ITGA2: variants seen among roughly 807,000 people sequenced by gnomAD.
ITGA2 encodes the protein integrin subunit alpha 2, also known as integrin alpha-2.
Under a neutral mutation model 146.3 loss-of-function variants are expected in ITGA2, and 101 were observed. The ratio of observed to expected loss-of-function variants is 0.69; its 90% confidence interval spans 0.59 to 0.81. ITGA2 has a LOEUF of 0.81. ITGA2 is among the 40% of genes least tolerant of loss of function. The pLI is 0.00. For missense variants in ITGA2, 1,281 were observed against 1,402.7 expected, an observed-to-expected ratio of 0.91 and a Z score of 1.39; for synonymous variants, 477 against 487.1, an observed-to-expected ratio of 0.98 and a Z score of 0.27.
chr5:53,036,431 T>C (rs942978969), intron 2 of ITGA2, among the ~76,000 whole-genome samples: 4 of 152,164 alleles, frequency 2.6e-5, no homozygotes, highest in Admixed American at 6.5e-5. Flanking sequence ...AGGACTACCA[T>C]CTCCTTCCAC....
intron 1 of ITGA2, 72 bp downstream of exon 1, chr5:52,989,604 T>C (rs1740817144): frequency 6.5e-7 from 1 of 1,549,314 alleles, no homozygotes; most frequent in South Asian, 1.1e-5. Flanking sequence ...GCTGGAGGGA[T>C]TGGGCGGAAC....
intron 25 of ITGA2, 112 bp from the exon 26 acceptor site, chr5:53,081,480 T>C: frequency 1.2e-6 from 1 of 807,024 alleles, no homozygotes; most frequent in Non-Finnish European, 2.1e-6. Flanking sequence ...GAAAGAAGCC[T>C]AACAGCCCTT....
In ITGA2 at chr5:53,092,561, G is replaced by A. The variant is rs971480664; in HGVS notation, c.*1962G>A. 1 of 151,498 alleles carries A rather than the reference G, an allele frequency of 6.6e-6. No individual in the cohort carries two copies. The highest frequency in any genetic ancestry group is 1.5e-5 in the Non-Finnish European group (1 of 67,972). The allele number at this position is 151,498 out of a possible 1,614,324, so 9.4% of individuals were successfully genotyped here. On this transcript the variant is annotated 3_prime_UTR_variant, in exon 30 of 30. Coordinates refer to ENST00000296585, the MANE Select transcript of ITGA2 (RefSeq NM_002203.4). The stretch of plus-strand genomic sequence containing the variant: ...AGCATGGTATTCTCCAGTTAGGTAT[G>A]CCAGAGTCCAATTCTTTTAACAGCT...
chr5:53,037,068 G>C (rs1304074928), intron 2 of ITGA2, among the ~76,000 whole-genome samples: 1 of 152,174 alleles, frequency 6.6e-6, no homozygotes, highest in Non-Finnish European at 1.5e-5. Flanking sequence ...ACAGACCAAA[G>C]GAAGATATTT....
At chr5:53,066,237 G>C (rs1423783929) in intron 15 of ITGA2, among the ~76,000 whole-genome samples, 1 of 151,810 alleles carries the variant, frequency 6.6e-6, no homozygotes, top group African/African-American at 2.4e-5. Context: ...TCTGGAAATG[G>C]TATCCAGGCT....
chr5:53,073,133 T>A lies in ITGA2; in HGVS notation c.2445T>A (p.Ile815=). 6.2e-7 allele frequency: 1 copy of A among 1,612,154 alleles called. No individual in the cohort carries two copies. Among genetic ancestry groups the A allele is most frequent in the Non-Finnish European group, 8.5e-7 (1 of 1,178,804 alleles). The part of the protein sequence containing the change: ...QIPAAQEQPF[I]VSNQNKRLTF... The stretch of plus-strand genomic sequence containing the variant: ...CTTTTAACAGAGAACAACCCTTTAT[T>A]GTCAGCAACCAAAACAAAAGGTTAA... The change falls in exon 20 of 30, where the codon ATT becomes ATA. Residue 815 remains isoleucine (I), a synonymous_variant. Transcript: ENST00000296585.
chr5:53,070,469 A>G (rs1745336830), intron 17 of ITGA2, among the ~76,000 whole-genome samples: 1 of 151,936 alleles, frequency 6.6e-6, no homozygotes, highest in Non-Finnish European at 1.5e-5. Context: ...ATCAAATTTC[A>G]TTTAGAATTG....
Position 53,067,122 on chromosome 5 carries a change from C to G in ITGA2, c.1948C>G (p.Gln650Glu). 1 of 1,610,224 alleles carries G rather than the reference C, an allele frequency of 6.2e-7. No homozygotes were observed. The highest frequency in any genetic ancestry group is 8.5e-7 in the Non-Finnish European group (1 of 1,178,194). ...AFGQVVQLWS[Q>E]SIADVAIEAS... ...GTTACTCTTTATGTCTTTTAGGTCA[C>G]AAAGTATTGCTGATGTAGCTATAGA... Residue 650 changes from glutamine (Q) to glutamate (E), a missense_variant, in exon 16 of 30, where the codon CAA becomes GAA. Around this residue, in one of 3 missense-constraint regions of ITGA2, gnomAD observed 795 missense variants for 841.7 expected, o/e 0.94. Coordinates refer to ENST00000296585, the MANE Select transcript of ITGA2 (RefSeq NM_002203.4).
chr5:53,048,804 G>A, intron 6 of ITGA2, 34 bp downstream of exon 6: 1 of 1,609,464 alleles, frequency 6.2e-7, no homozygotes, highest in Non-Finnish European at 8.5e-7. Flanking sequence ...CTAACTTATG[G>A]CTTTCTTTCT....
chr5:53,056,202 G>A (rs956456110), intron 9 of ITGA2, 53 bp downstream of exon 9: 15 of 1,512,776 alleles, frequency 9.9e-6, no homozygotes, highest in Non-Finnish European at 1.4e-5. Flanking sequence ...TTAAATAATT[G>A]TTTATTATCA....
rs79932422 is a variant in ITGA2 at position 53,073,171 on chromosome 5, C to T, written c.2483C>T (p.Thr828Met). The change falls in exon 20 of 30, where the codon ACG becomes ATG. Residue 828 changes from threonine (T) to methionine (M), a missense_variant. By Grantham distance (81) the Thr-to-Met change is moderately conservative. Coordinates refer to ENST00000296585, the MANE Select transcript of ITGA2 (RefSeq NM_002203.4). ...AACAAAAGGTTAACATTTTCAGTAA[C>T]GCTGAAAAATAAAAGGGAAAGTGCA... The part of the protein sequence containing the change: ...NQNKRLTFSV[T>M]LKNKRESAYN... 1.1e-3 allele frequency: 1,699 copies of T among 1,611,908 alleles called. 3 individuals carry two copies. Among genetic ancestry groups the T allele is most frequent in the Non-Finnish European group, 1.3e-3 (1,550 of 1,178,504 alleles).
intron 3 of ITGA2, 83 bp downstream of exon 3, chr5:53,042,304 T>C (rs1309976574): frequency 2.1e-6 from 2 of 941,108 alleles, no homozygotes; most frequent in African/African-American, 3.2e-5. Flanking sequence ...TTGTTCTGTC[T>C]TAAAGAAATA....
chr5:52,994,613 G>A (rs542728282), intron 1 of ITGA2, among the ~76,000 whole-genome samples: 2 of 152,286 alleles, frequency 1.3e-5, no homozygotes, highest in East Asian at 3.9e-4. Context: ...ACTAGCTTAA[G>A]GATAAAGCTA....
intron 1 of ITGA2, among the ~76,000 whole-genome samples, chr5:53,010,095 A>G (rs1424197674): frequency 2.0e-5 from 3 of 152,172 alleles, no homozygotes; most frequent in Non-Finnish European, 4.4e-5. Flanking sequence ...GATCCTCTCA[A>G]CCATCTCAGC....
At chr5:53,045,442 A>C (rs939763220) in intron 4 of ITGA2, among the ~76,000 whole-genome samples, 12 of 152,198 alleles carry the variant, frequency 7.9e-5, no homozygotes, top group African/African-American at 2.9e-4. Context: ...CAAAGCTAAA[A>C]AGTATTTTTG....
rs78481994 is a variant in ITGA2 at position 52,990,503 on chromosome 5, A to T, written c.64+971A>T. On this transcript the variant is annotated intron_variant, in intron 1 of 29. Coordinates refer to ENST00000296585, the MANE Select transcript of ITGA2 (RefSeq NM_002203.4). ...AGGGAGAAGGAGACACGTTTGTATA[A>T]TGTAGTTTGAACAGCGATCAAAACA... Among the ~76,000 whole-genome samples the T allele has an allele frequency of 6.1e-3, 931 of 152,102 alleles. 9 individuals are homozygous for T. The highest frequency in any genetic ancestry group is 0.021 in the African/African-American group (886 of 41,492).
At position 53,090,484 on chromosome 5, in the gene ITGA2, C is replaced by A. The variant is rs372068207; in HGVS notation, c.3466-35C>A. On this transcript the variant is annotated intron_variant, in intron 29 of 29. Transcript: ENST00000296585. The stretch of plus-strand genomic sequence containing the variant: ...CAGAGGCACCTTACAAAATAAGCCA[C>A]GGGTGGTAACATTCTTATATCATCA... The A allele has an allele frequency of 4.4e-6, 7 of 1,586,736 alleles. No homozygotes were observed. The South Asian group carries it at 6.6e-5, about 15-fold the overall frequency.
chr5:53,070,565 G>C (rs3212570), intron 17 of ITGA2, among the ~76,000 whole-genome samples: 12,940 of 151,832 alleles, frequency 0.085, 589 homozygotes, highest in Middle Eastern at 0.16. Context: ...CTTTCCATTG[G>C]CAATAAATGT....
chr5:53,067,222 C>A lies in ITGA2; in HGVS notation c.2048C>A (p.Ala683Glu). The change falls in exon 16 of 30, where the codon GCA becomes GAA. Residue 683 changes from alanine to glutamate, a missense_variant. By Grantham distance (107) the Ala-to-Glu change is moderately radical. Around this residue, in one of 3 missense-constraint regions of ITGA2, gnomAD observed 795 missense variants for 841.7 expected, o/e 0.94. Transcript: ENST00000296585. ...AQIILKLCFS[A>E]KFRPTKQNNQ... ...ATAATTCTCAAACTCTGCTTCAGTG[C>A]AAAGTTCAGACCTACTAAGCAAAAC... 2 of 1,611,656 alleles carry A rather than the reference C, an allele frequency of 1.2e-6. No individual in the cohort carries two copies. Among genetic ancestry groups the A allele is most frequent in the Non-Finnish European group, 1.7e-6 (2 of 1,178,698 alleles).
Sources: allele counts gnomAD v4.1 joint callset (sites outside exome capture counted in the v4.1 genomes callset), GRCh38; gene constraint gnomAD v4.1.1; regional missense constraint gnomAD v4.1.1; transcripts MANE v1.5; gene names NCBI Gene and HGNC (gene_info 2026-07-23, HGNC 2026-07-21).